The following FHOD3 variants were observed in gnomAD, a reference collection of about 807,000 sequenced individuals.
FHOD3 encodes the protein FH1/FH2 domain-containing protein 3.
Under a neutral mutation model 173.0 loss-of-function variants are expected in FHOD3, and 90 were observed. The observed-to-expected ratio is 0.52, with a 90% CI of 0.44 to 0.62. The LOEUF (loss-of-function observed/expected upper bound fraction) is 0.62. FHOD3 is among the 20% of genes least tolerant of loss of function. The pLI is 0.00. For missense variants in FHOD3, 1,945 were observed against 2,034.7 expected, an observed-to-expected ratio of 0.96 and a Z score of 0.85; for synonymous variants, 828 against 823.0, an observed-to-expected ratio of 1.01 and a Z score of -0.10.
At chr18:36,393,855 T>C (rs2048422830) in intron 3 of FHOD3, among the ~76,000 whole-genome samples, 1 of 152,204 alleles carries the variant, frequency 6.6e-6, no homozygotes, top group Non-Finnish European at 1.5e-5. Context: ...TTCTGATGGT[T>C]TCCTATGTGA....
At chr18:36,680,054 A>G (rs896806009) in intron 14 of FHOD3, among the ~76,000 whole-genome samples, 1 of 152,228 alleles carries the variant, frequency 6.6e-6, no homozygotes, top group Admixed American at 6.5e-5. Flanking sequence ...TACAAAAGTT[A>G]GAAGTTTGTC....
At chr18:36,640,985 C>T (rs2035262969) in intron 10 of FHOD3, among the ~76,000 whole-genome samples, 1 of 152,196 alleles carries the variant, frequency 6.6e-6, no homozygotes, top group African/African-American at 2.4e-5. Flanking sequence ...TGGTCTTGCC[C>T]TCTCCAGACC....
chr18:36,549,846 C>G (rs910287396), intron 5 of FHOD3, among the ~76,000 whole-genome samples: 1 of 151,722 alleles, frequency 6.6e-6, no homozygotes, highest in African/African-American at 2.4e-5. Context: ...TCACGCCTGG[C>G]CATGGCCAGA....
intron 5 of FHOD3, among the ~76,000 whole-genome samples, chr18:36,560,001 T>C (rs905743679): frequency 6.6e-6 from 1 of 152,178 alleles, no homozygotes; most frequent in Non-Finnish European, 1.5e-5. Context: ...GAATTCTTTC[T>C]AGGATCCCTG....
At chr18:36,299,039 G>A (rs1287178056) in intron 1 of FHOD3, among the ~76,000 whole-genome samples, 2 of 140,738 alleles carry the variant, frequency 1.4e-5, no homozygotes, top group Admixed American at 1.5e-4. Flanking sequence ...ATGCCCAAAA[G>A]AACAAAATTG....
At chr18:36,685,632 T>C (rs1028191802) in intron 15 of FHOD3, among the ~76,000 whole-genome samples, 1 of 152,192 alleles carries the variant, frequency 6.6e-6, no homozygotes, top group Non-Finnish European at 1.5e-5. Flanking sequence ...ATCTGAGTCC[T>C]TGTTGCATTT....
At chr18:36,444,330 A>T (rs912111595) in intron 3 of FHOD3, among the ~76,000 whole-genome samples, 1 of 151,856 alleles carries the variant, frequency 6.6e-6, no homozygotes, top group Non-Finnish European at 1.5e-5. Context: ...ATTTATTTGT[A>T]ATACAGTTAG....
intron 17 of FHOD3, among the ~76,000 whole-genome samples, chr18:36,707,560 A>C (rs970369356): frequency 2.0e-5 from 3 of 152,214 alleles, no homozygotes; most frequent in Admixed American, 2.0e-4. Flanking sequence ...GCCTGAGAGC[A>C]GATGAAGGAT....
chr18:36,563,282 A>G (rs1375107878), intron 5 of FHOD3, among the ~76,000 whole-genome samples: 3 of 152,226 alleles, frequency 2.0e-5, no homozygotes, highest in Admixed American at 6.5e-5. Flanking sequence ...TTAATAAGGC[A>G]CATTTGTGGA....
intron 2 of FHOD3, among the ~76,000 whole-genome samples, chr18:36,369,625 A>G (rs1419604570): frequency 6.6e-6 from 1 of 152,266 alleles, no homozygotes; most frequent in East Asian, 1.9e-4. Flanking sequence ...TATGTTATAT[A>G]CATGTAAAAC....
intron 19 of FHOD3, among the ~76,000 whole-genome samples, chr18:36,719,238 C>T (rs1000161385): frequency 3.3e-5 from 5 of 152,104 alleles, no homozygotes; most frequent in African/African-American, 7.2e-5. Context: ...TTCCAGCAGC[C>T]GTATATTTGG....
intron 28 of FHOD3, among the ~76,000 whole-genome samples, chr18:36,771,145 G>C (rs746074141): frequency 1.3e-5 from 2 of 152,278 alleles, no homozygotes; most frequent in Non-Finnish European, 2.9e-5. Flanking sequence ...CAGACAATAC[G>C]TGTGTCTCCT....
intron 20 of FHOD3, among the ~76,000 whole-genome samples, chr18:36,736,252 G>A (rs2149994175): frequency 6.6e-6 from 1 of 152,368 alleles, no homozygotes; most frequent in Middle Eastern, 3.4e-3. Context: ...ACCCCACAGG[G>A]CATGTGTACA....
chr18:36,639,618 G>A (rs1254912249), intron 10 of FHOD3, among the ~76,000 whole-genome samples: 9 of 150,352 alleles, frequency 6.0e-5, no homozygotes, highest in African/African-American at 1.2e-4. Flanking sequence ...AGCGGAGATC[G>A]TGCCACTGCA....
chr18:36,443,226 C>T (rs374055069), intron 3 of FHOD3, among the ~76,000 whole-genome samples: 1 of 152,126 alleles, frequency 6.6e-6, no homozygotes, highest in Non-Finnish European at 1.5e-5. Flanking sequence ...GCTTTTACAA[C>T]CCTTAATAAT....
At chr18:36,426,781 T>C (rs1202046351) in intron 3 of FHOD3, among the ~76,000 whole-genome samples, 1 of 152,246 alleles carries the variant, frequency 6.6e-6, no homozygotes, top group East Asian at 1.9e-4. Context: ...ACTTGTTCTG[T>C]CTCATTTAGT....
At chr18:36,518,107 TA>T (rs1427860800) in intron 5 of FHOD3, among the ~76,000 whole-genome samples, 1 of 152,198 alleles carries the variant, frequency 6.6e-6, no homozygotes, top group Non-Finnish European at 1.5e-5. Context: ...TGGCACTTTA[TA>T]AAATGCCAAA....
chr18:36,595,173 A>G (rs1465289541), intron 7 of FHOD3, among the ~76,000 whole-genome samples: 2 of 152,130 alleles, frequency 1.3e-5, no homozygotes, highest in African/African-American at 4.8e-5. Context: ...ACTGAAACAC[A>G]GAAGTCTAGC....
intron 1 of FHOD3, among the ~76,000 whole-genome samples, chr18:36,336,685 A>C (rs2045328903): frequency 2.1e-4 from 3 of 14,354 alleles, no homozygotes; most frequent in South Asian, 0.01. Context: ...AAAAATACAA[A>C]AAAAAAAAAA....
Sources: allele counts gnomAD v4.1 joint callset (sites outside exome capture counted in the v4.1 genomes callset), GRCh38; gene constraint gnomAD v4.1.1; transcripts MANE v1.5; gene names NCBI Gene and HGNC (gene_info 2026-07-23, HGNC 2026-07-21).